Variants in ABCA9 observed in about 807,000 individuals in gnomAD.
ABCA9 encodes the protein ATP binding cassette subfamily A member 9, also known as ATP-binding cassette sub-family A member 9.
Under a neutral mutation model 205.3 loss-of-function variants are expected in ABCA9, and 183 were observed. The observed-to-expected ratio is 0.89, with a 90% confidence interval of 0.79 to 1.01. The LOEUF is 1.01. ABCA9 is among the 50% of genes least tolerant of loss of function. The pLI, the probability that ABCA9 is intolerant of heterozygous loss-of-function variation, is 0.00. For synonymous variants in ABCA9, 651 were observed against 683.3 expected (o/e 0.95, Z 0.74); for missense variants, 1,805 against 1,912.4 (o/e 0.94, Z 1.05).
chr17:68,983,537 T>C (rs572688434), intron 36 of ABCA9, among the ~76,000 whole-genome samples, 172 bp downstream of exon 36: 1 of 152,336 alleles, frequency 6.6e-6, no homozygotes, highest in Admixed American at 6.5e-5. Context: ...CAGCACTTTG[T>C]TCTCTTATTT....
chr17:69,078,678 T>C, the ABCA9 span: 16 of 217,358 alleles, frequency 7.4e-5, no homozygotes, highest in East Asian at 1.6e-3. Context: ...TTGTAAAAGG[T>C]AAAAAAGTCA....
chr17:69,024,976 G>C (rs1278415361), intron 16 of ABCA9, among the ~76,000 whole-genome samples: 1 of 152,116 alleles, frequency 6.6e-6, no homozygotes. Flanking sequence ...AGGTGACAGA[G>C]TGGTGAGAAG....
chr17:69,065,124 G>A (rs8066691), upstream of ABCA9, among the ~76,000 whole-genome samples: 43,920 of 151,738 alleles, frequency 0.29, 6,740 homozygotes, highest in East Asian at 0.63. Context: ...GGAATTTCAT[G>A]ACAGTGTGCT....
At chr17:69,044,425 G>A (rs1301477820) in intron 5 of ABCA9, 72 bp downstream of exon 5, 4 of 1,272,956 alleles carry the variant, frequency 3.1e-6, no homozygotes, top group Non-Finnish European at 4.5e-6. Flanking sequence ...GATAGAATAG[G>A]ATAATCCATT....
At chr17:68,989,255 C>T in intron 30 of ABCA9, 137 bp from the exon 31 acceptor site, 1 of 434,738 alleles carries the variant, frequency 2.3e-6, no homozygotes, top group Non-Finnish European at 4.1e-6. Flanking sequence ...CTCTCTCTCT[C>T]TCACACACAC....
At chr17:69,001,637 G>T (rs2069874301) in intron 25 of ABCA9, among the ~76,000 whole-genome samples, 1 of 151,790 alleles carries the variant, frequency 6.6e-6, no homozygotes, top group Admixed American at 6.6e-5. Context: ...CTCATAAAAT[G>T]AATTAGGGAG....
At chr17:68,995,813 C>T (rs2069600323) in intron 26 of ABCA9, 82 bp downstream of exon 26, 19 of 1,541,388 alleles carry the variant, frequency 1.2e-5, no homozygotes, top group Admixed American at 1.8e-5. Context: ...GCTGAGGACT[C>T]TATCTATATT....
chr17:69,012,286 C>T (rs1300438034), intron 22 of ABCA9: 4 of 461,312 alleles, frequency 8.7e-6, no homozygotes, highest in East Asian at 6.7e-5. Flanking sequence ...GCCTGATTTA[C>T]TTATGAAGAA....
chr17:69,066,940 A>G, the ABCA9 span, among the ~76,000 whole-genome samples: 3 of 152,222 alleles, frequency 2.0e-5, no homozygotes, highest in African/African-American at 7.2e-5. Context: ...ACATATTTTT[A>G]GAAGTTATTT....
chr17:68,986,443 T>C (rs558471320), intron 31 of ABCA9, 119 bp from the exon 32 acceptor site: 1 of 973,716 alleles, frequency 1.0e-6, no homozygotes, highest in East Asian at 2.9e-5. Flanking sequence ...AGTGCACAAA[T>C]GCAAATCAGT....
intron 22 of ABCA9, among the ~76,000 whole-genome samples, chr17:69,013,546 A>AAAAAATCACAATTCATCTTGACAACC (rs2070463947): frequency 6.6e-6 from 1 of 151,824 alleles, no homozygotes; most frequent in African/African-American, 2.4e-5. Context: ...CTGGGGGAGG[A>AAAAAATCACAATTCATCTTGACAACC]AAAAATCACA....
Position 69,035,427 on chromosome 17 carries a change from G to A in ABCA9, c.947C>T (p.Thr316Ile). The change falls in exon 8 of 39, where the codon ACT (threonine) becomes ATT (isoleucine). Residue 316 changes from threonine (T) to isoleucine (I), a missense_variant. Transcript: ENST00000340001. ...LFLLYGLSLI[T>I]LAFLMSVLIK... Reference sequence around the variant, plus strand: ...CAACACACTCATCAGGAAAGCTAAAGTTATCTGAGAAAAGAGAAAGACTTC... The same window carrying A: ...CAACACACTCATCAGGAAAGCTAAAATTATCTGAGAAAAGAGAAAGACTTC... 1 of 1,567,478 alleles carries A rather than the reference G, an allele frequency of 6.4e-7. No individual in the cohort carries two copies. Among genetic ancestry groups the A allele is most frequent in the Non-Finnish European group, 8.6e-7 (1 of 1,162,096 alleles).
chr17:69,065,954 G>A, the ABCA9 span, among the ~76,000 whole-genome samples: 1 of 152,088 alleles, frequency 6.6e-6, no homozygotes, highest in South Asian at 2.1e-4. Flanking sequence ...GCCACCCTGT[G>A]AAGAAGGACA....
intron 3 of ABCA9, among the ~76,000 whole-genome samples, chr17:69,046,896 T>C (rs867649560): frequency 8.2e-6 from 1 of 121,542 alleles, no homozygotes; most frequent in Non-Finnish European, 1.6e-5. Flanking sequence ...TATATATATA[T>C]ATATATATAT....
chr17:68,985,500 T>C (rs555666445), intron 32 of ABCA9, among the ~76,000 whole-genome samples: 1 of 152,302 alleles, frequency 6.6e-6, no homozygotes, highest in South Asian at 2.1e-4. Context: ...CGTGCACCTG[T>C]AGTCCCAGCT....
intron 25 of ABCA9, among the ~76,000 whole-genome samples, chr17:69,001,849 AGT>A (rs2069884554): frequency 6.6e-6 from 1 of 150,784 alleles, no homozygotes; most frequent in Non-Finnish European, 1.5e-5. Flanking sequence ...GTCTTGGGAG[AGT>A]GTATGTGTCA....
In ABCA9 at chr17:68,986,294, G is replaced by T. The variant is rs1368971171; in HGVS notation, c.4078C>A (p.Pro1360Thr). 4 of 1,611,888 alleles carry T rather than the reference G, an allele frequency of 2.5e-6. No individual in the cohort carries two copies. Among genetic ancestry groups the T allele is most frequent in the Non-Finnish European group, 2.5e-6 (3 of 1,179,216 alleles). ...VILKGSGGGEPLGFLGYCPQE... is the reference protein window; with the variant it reads ...VILKGSGGGETLGFLGYCPQE... The stretch of plus-strand genomic sequence containing the variant: ...GGGCAGTACCCCAGGAAGCCCAGGG[G>T]TTCCCCTCCACCGCTCCCTTTCAAA... The change falls in exon 32 of 39, where the codon CCC becomes ACC. Residue 1360 changes from proline to threonine, a missense_variant. Coordinates refer to ENST00000340001, the MANE Select transcript of ABCA9 (RefSeq NM_080283.4).
chr17:69,050,152 T>A (rs537494125), intron 2 of ABCA9, among the ~76,000 whole-genome samples: 1 of 152,006 alleles, frequency 6.6e-6, no homozygotes, highest in Non-Finnish European at 1.5e-5. Flanking sequence ...TCTATCTTAA[T>A]AGAAAAATAA....
Position 69,051,149 on chromosome 17 carries a change from GAC to G in ABCA9, c.-13-12_-13-11del, listed in dbSNP as rs1334631198. The G allele has an allele frequency of 1.9e-6, 3 of 1,607,004 alleles. No homozygotes were observed. The highest frequency in any genetic ancestry group is 8.5e-7 in the Non-Finnish European group (1 of 1,177,320). ...CATTTTGACCTGTTTCCTTTAAAAA[GAC>G]AGAAAAAAAATGAAGTACATGTGAA... On this transcript the variant is annotated splice_polypyrimidine_tract_variant and intron_variant, in intron 1 of 38. Coordinates refer to ENST00000340001, the MANE Select transcript of ABCA9 (RefSeq NM_080283.4).
Sources: allele counts gnomAD v4.1 joint callset (sites outside exome capture counted in the v4.1 genomes callset), GRCh38; gene constraint gnomAD v4.1.1; transcripts MANE v1.5; gene names NCBI Gene and HGNC (gene_info 2026-07-23, HGNC 2026-07-21).